The following ANKFN1 variants were observed in gnomAD, a reference collection of about 807,000 sequenced individuals.
The protein encoded by ANKFN1 is ankyrin repeat and fibronectin type III domain containing 1.
A neutral mutation model predicts 108.7 loss-of-function variants in ANKFN1; 74 were observed. That is an observed-to-expected ratio of 0.68 (90% CI 0.56 to 0.83). ANKFN1 has a LOEUF of 0.83. Among genes scored for constraint, ANKFN1 ranks in the 40% least tolerant of loss-of-function variants. The pLI is 0.00. For missense variants in ANKFN1, 1,505 were observed against 1,382.3 expected (o/e 1.09, Z -1.41); for synonymous variants, 547 against 516.2 (o/e 1.06, Z -0.81).
chr17:56,191,825 A>G (rs1204755730), intron 1 of ANKFN1, among the ~76,000 whole-genome samples: 1 of 148,754 alleles, frequency 6.7e-6, no homozygotes, highest in Non-Finnish European at 1.5e-5. Flanking sequence ...ACTTGGTTCC[A>G]TTCTCCGCAT....
At chr17:56,121,954 G>T (rs1282326205) in intron 4 of ANKFN1, among the ~76,000 whole-genome samples, 2 of 152,122 alleles carry the variant, frequency 1.3e-5, no homozygotes, top group East Asian at 1.9e-4. Context: ...AGGGGTTGCT[G>T]GGGGGAGGTA....
At position 56,511,206 on chromosome 17, in the gene ANKFN1, C is replaced by T. The variant is rs762126101; in HGVS notation, c.3378C>T (p.Pro1126=). 146 of 1,535,322 alleles carry T rather than the reference C, an allele frequency of 9.5e-5. No homozygotes were observed. The African/African-American group carries it at 1.3e-3, about 13-fold the overall frequency. The change falls in exon 21 of 21, where the codon CCC becomes CCT. Residue 1126 remains proline (P), a synonymous_variant. Coordinates refer to ENST00000682825, the MANE Select transcript of ANKFN1 (RefSeq NM_001370326.1). ...GRITLPSPTG[P]DVSQEGPTAS... is the part of the protein sequence containing the mutation. ...TCACCCTGCCCAGCCCCACTGGCCCCGATGTGAGTCAGGAGGGCCCCACCG... is the reference window on the plus strand; with the variant it reads ...TCACCCTGCCCAGCCCCACTGGCCCTGATGTGAGTCAGGAGGGCCCCACCG...
chr17:56,441,295 T>C lies in ANKFN1; in HGVS notation c.1008+871T>C, dbSNP rs143686716. On this transcript the variant is annotated intron_variant, in intron 9 of 20. Coordinates refer to ENST00000682825, the MANE Select transcript of ANKFN1 (RefSeq NM_001370326.1). The stretch of plus-strand genomic sequence containing the variant: ...TTTTGTTATTATTGTTGTTGTTTTC[T>C]TAAAGGTTTGTTGATTAAAATGTTA... Among the ~76,000 whole-genome samples the C allele has an allele frequency of 3.4e-3, 513 of 152,304 alleles. 1 individual carries two copies. The highest frequency in any genetic ancestry group is 0.011 in the African/African-American group (465 of 41,564).
At chr17:56,389,096 GA>G (rs2047358239) in intron 8 of ANKFN1, among the ~76,000 whole-genome samples, 1 of 151,274 alleles carries the variant, frequency 6.6e-6, no homozygotes. Context: ...TACTTTTATA[GA>G]GAAACTTGTA....
At chr17:56,305,273 T>C (rs969246260) in intron 3 of ANKFN1, among the ~76,000 whole-genome samples, 4 of 152,172 alleles carry the variant, frequency 2.6e-5, no homozygotes, top group African/African-American at 7.2e-5. Context: ...CCATGACACA[T>C]GGTGATTATG....
chr17:56,284,758 G>GA (rs2044173425), intron 3 of ANKFN1, among the ~76,000 whole-genome samples: 1 of 152,300 alleles, frequency 6.6e-6, no homozygotes, highest in Non-Finnish European at 1.5e-5. Context: ...TCTGGCATAA[G>GA]AACAGGGGTT....
chr17:56,198,252 G>A (rs533977418), intron 1 of ANKFN1, among the ~76,000 whole-genome samples: 1 of 152,274 alleles, frequency 6.6e-6, no homozygotes, highest in East Asian at 1.9e-4. Context: ...TCGTATATGG[G>A]AATAATAAAA....
At chr17:56,098,766 A>G (rs1290827744) in intron 4 of ANKFN1, among the ~76,000 whole-genome samples, 1 of 152,040 alleles carries the variant, frequency 6.6e-6, no homozygotes, top group African/African-American at 2.4e-5. Context: ...CCCAAACCTC[A>G]CCTTCAAATG....
chr17:56,421,465 A>G (rs979106804), intron 8 of ANKFN1, among the ~76,000 whole-genome samples: 1 of 152,206 alleles, frequency 6.6e-6, no homozygotes, highest in Non-Finnish European at 1.5e-5. Context: ...ATAGGGCACA[A>G]ACCCAAACCA....
intron 4 of ANKFN1, among the ~76,000 whole-genome samples, chr17:56,054,859 C>G (rs982831788): frequency 6.6e-6 from 1 of 152,036 alleles, no homozygotes; most frequent in African/African-American, 2.4e-5. Context: ...GCACTCCAGC[C>G]TGGGTGACAG....
chr17:56,449,202 T>C lies in ANKFN1; in HGVS notation c.1207+16T>C, dbSNP rs944791521. 1 of 1,607,630 alleles carries C rather than the reference T, an allele frequency of 6.2e-7. No individual in the cohort carries two copies. Among genetic ancestry groups the C allele is most frequent in the Non-Finnish European group, 8.5e-7 (1 of 1,175,430 alleles). On this transcript the variant is annotated intron_variant, in intron 11 of 20. Transcript: ENST00000682825. ...AGTTGCCGGGGTAAGGATAAAAATC[T>C]GTGCTGGGCCATCAACTGAGGTCTC...
chr17:56,250,778 A>G (rs1278313282), intron 3 of ANKFN1, among the ~76,000 whole-genome samples: 1 of 152,116 alleles, frequency 6.6e-6, no homozygotes, highest in Non-Finnish European at 1.5e-5. Flanking sequence ...ATTGATTATC[A>G]TCTGAAGCTT....
chr17:56,157,388 C>T (rs1050556411), intron 1 of ANKFN1, among the ~76,000 whole-genome samples: 3 of 152,200 alleles, frequency 2.0e-5, no homozygotes, highest in African/African-American at 4.8e-5. Flanking sequence ...CTCTGGGACA[C>T]ACCTATCAGG....
intron 18 of ANKFN1, among the ~76,000 whole-genome samples, chr17:56,485,730 T>C (rs2050834063): frequency 6.6e-6 from 1 of 152,232 alleles, no homozygotes; most frequent in South Asian, 2.1e-4. Context: ...GCAATGTTTT[T>C]CATGGGACCT....
At chr17:56,126,678 C>T (rs747198095) in intron 4 of ANKFN1, among the ~76,000 whole-genome samples, 16 of 152,188 alleles carry the variant, frequency 1.1e-4, no homozygotes, top group Non-Finnish European at 2.1e-4. Context: ...ACACCTAATT[C>T]TCCCAGATGA....
At chr17:56,096,733 A>G (rs558186964) in intron 4 of ANKFN1, among the ~76,000 whole-genome samples, 3 of 152,348 alleles carry the variant, frequency 2.0e-5, no homozygotes, top group African/African-American at 7.2e-5. Context: ...AAACAGAACT[A>G]TGATTTGACC....
rs1346481886 is a variant in ANKFN1 at position 56,510,598 on chromosome 17, A to T, written c.2770A>T (p.Ile924Phe). ...LDLVYLSSHD[I>F]AQQTLSGLSG... Reference sequence around the variant, plus strand: ...CCTGGTCTACCTATCATCTCACGACATTGCGCAGCAGACCCTTAGCGGCCT... The same window carrying T: ...CCTGGTCTACCTATCATCTCACGACTTTGCGCAGCAGACCCTTAGCGGCCT... Residue 924 changes from isoleucine (I) to phenylalanine (F), a missense_variant, in exon 21 of 21, where the codon ATT (isoleucine) becomes TTT (phenylalanine). Physicochemically the swap from Ile to Phe is conservative, Grantham distance 21. Transcript: ENST00000682825. 1.0e-5 allele frequency: 16 copies of T among 1,536,016 alleles called. No homozygotes were observed. Among genetic ancestry groups the T allele is most frequent in the Non-Finnish European group, 1.4e-5 (16 of 1,146,906 alleles).
At chr17:56,365,713 A>T (rs906954112) in intron 6 of ANKFN1, among the ~76,000 whole-genome samples, 2 of 152,192 alleles carry the variant, frequency 1.3e-5, no homozygotes, top group African/African-American at 4.8e-5. Context: ...TTGCTTAATG[A>T]TGTAGCTGTC....
chr17:56,224,561 C>T lies in ANKFN1; in HGVS notation c.13-3356C>T, dbSNP rs78425565. 2.0e-4 allele frequency: 30 copies of T among 152,280 alleles called. No homozygotes were observed. The East Asian group carries it at 5.6e-3, about 28-fold the overall frequency. The allele number at this position is 152,280 out of a possible 1,614,324, so 9.4% of individuals were successfully genotyped here. A position where few individuals can be genotyped will look rare whatever the true frequency, so the allele number is the denominator to read the frequency against. On this transcript the variant is annotated intron_variant, in intron 2 of 20. Coordinates refer to ENST00000682825, the MANE Select transcript of ANKFN1 (RefSeq NM_001370326.1). ...TAAACATTTTAAATAACTGACAACT[C>T]AAGCCAGATAGCCTAATCAGCATAG...
Sources: gnomAD v4.1 joint callset for allele counts (sites outside exome capture counted in the v4.1 genomes callset) on GRCh38, gnomAD v4.1.1 for gene constraint, MANE v1.5 for transcripts, NCBI Gene and HGNC (gene_info 2026-07-23, HGNC 2026-07-21) for gene names.